CNTLN: variants seen among roughly 807,000 people sequenced by gnomAD.
CNTLN encodes the protein centlein, also known as centlein, centrosomal protein.
In CNTLN, 212 loss-of-function variants were observed where a neutral mutation model predicts 180.0. The observed-to-expected ratio is 1.18, with a 90% confidence interval of 1.05 to 1.32. CNTLN has a LOEUF of 1.32. Ranked by LOEUF, CNTLN falls within the 40% of genes most tolerant of loss-of-function variation. CNTLN has a pLI of 0.00. For synonymous variants in CNTLN, 722 were observed against 563.1 expected, an observed-to-expected ratio of 1.28 and a Z score of -3.99; for missense variants, 2,095 against 1,610.9, an observed-to-expected ratio of 1.30 and a Z score of -5.14.
intron 2 of CNTLN, among the ~76,000 whole-genome samples, chr9:17,155,702 A>G (rs1819230456): frequency 6.6e-6 from 1 of 151,968 alleles, no homozygotes; most frequent in Non-Finnish European, 1.5e-5. Flanking sequence ...TCTTGGGCTC[A>G]GTGGGGGTGG....
chr9:17,311,382 A>T (rs954342401), intron 8 of CNTLN, among the ~76,000 whole-genome samples: 1 of 150,948 alleles, frequency 6.6e-6, no homozygotes, highest in East Asian at 2.0e-4. Flanking sequence ...TTGGTATTTC[A>T]TTTAAGAAAT....
At chr9:17,516,645 C>G in the CNTLN span, among the ~76,000 whole-genome samples, 1 of 152,082 alleles carries the variant, frequency 6.6e-6, no homozygotes, top group African/African-American at 2.4e-5. Context: ...TAGGGTGGGA[C>G]ATCTGTCACA....
chr9:17,179,052 G>A (rs1293914823), intron 2 of CNTLN, among the ~76,000 whole-genome samples: 6 of 146,500 alleles, frequency 4.1e-5, no homozygotes, highest in South Asian at 2.1e-4. Context: ...AGACCATCCC[G>A]GCTAAAACGG....
At chr9:17,487,622 C>T (rs976914555) in intron 25 of CNTLN, among the ~76,000 whole-genome samples, 2 of 152,054 alleles carry the variant, frequency 1.3e-5, no homozygotes, top group African/African-American at 4.8e-5. Context: ...AAAAAATTTC[C>T]ACCAGAGGCC....
At chr9:17,523,924 C>G in the CNTLN span, among the ~76,000 whole-genome samples, 1 of 152,172 alleles carries the variant, frequency 6.6e-6, no homozygotes, top group Admixed American at 6.5e-5. Context: ...GTAGAAATTT[C>G]TTTGGTCAAA....
At chr9:17,462,623 A>C (rs1008261971) in intron 19 of CNTLN, among the ~76,000 whole-genome samples, 4 of 151,708 alleles carry the variant, frequency 2.6e-5, no homozygotes, top group African/African-American at 9.7e-5. Context: ...TCACATATTT[A>C]CATTATACCA....
chr9:17,245,824 G>A (rs1286399710), intron 5 of CNTLN, among the ~76,000 whole-genome samples: 1 of 151,738 alleles, frequency 6.6e-6, no homozygotes, highest in Non-Finnish European at 1.5e-5. Flanking sequence ...CTGCTTTTAA[G>A]AGACTGATGC....
intron 2 of CNTLN, among the ~76,000 whole-genome samples, chr9:17,178,226 C>G (rs1332176686): frequency 6.6e-6 from 1 of 152,190 alleles, no homozygotes; most frequent in Non-Finnish European, 1.5e-5. Context: ...ACACAGGGTG[C>G]TGATTGGTAT....
At chr9:17,201,700 A>G (rs1046092525) in intron 2 of CNTLN, among the ~76,000 whole-genome samples, 4 of 151,432 alleles carry the variant, frequency 2.6e-5, no homozygotes, top group Non-Finnish European at 5.9e-5. Flanking sequence ...ATAATTTTTT[A>G]TTGTCTATTT....
Position 17,298,263 on chromosome 9 carries a change from C to T in CNTLN, c.1057C>T (p.Gln353Ter), listed in dbSNP as rs1818090356. ...THTAQQAELI[Q>*]QLQVLNMDTQ... ...TACAGCCCAGCAAGCAGAGCTGATCCAGCAGCTTCAGGTTCTCAATATGGA... is the reference window on the plus strand; with the variant it reads ...TACAGCCCAGCAAGCAGAGCTGATCTAGCAGCTTCAGGTTCTCAATATGGA... Residue 353 changes from glutamine to a stop codon, truncating the protein, a stop_gained, in exon 7 of 26, where the codon CAG (glutamine) becomes TAG (stop). Transcript: ENST00000380647. LOFTEE classifies it high-confidence loss of function. 1.2e-6 allele frequency: 2 copies of T among 1,613,310 alleles called. No homozygotes were observed. Among genetic ancestry groups the T allele is most frequent in the East Asian group, 2.2e-5 (1 of 44,822 alleles).
chr9:17,526,686 GC>G, the CNTLN span, among the ~76,000 whole-genome samples: 1 of 152,136 alleles, frequency 6.6e-6, no homozygotes, highest in African/African-American at 2.4e-5. Context: ...AGCCCCAATA[GC>G]CAAGTCATAC....
At chr9:17,302,444 C>A (rs1818436843) in intron 7 of CNTLN, among the ~76,000 whole-genome samples, 1 of 152,152 alleles carries the variant, frequency 6.6e-6, no homozygotes, top group East Asian at 1.9e-4. Flanking sequence ...GGTGATCCAT[C>A]CGCTTCAGCC....
Position 17,330,734 on chromosome 9 carries a change from C to G in CNTLN, c.1444C>G (p.Leu482Val). 6.2e-7 allele frequency: 1 copy of G among 1,611,826 alleles called. No individual in the cohort carries two copies. The highest frequency in any genetic ancestry group is 1.3e-5 in the African/African-American group (1 of 74,882). Residue 482 changes from leucine (L) to valine (V), a missense_variant, in exon 9 of 26, where the codon CTG (leucine) becomes GTG (valine). Coordinates refer to ENST00000380647, the MANE Select transcript of CNTLN (RefSeq NM_017738.4). ...QEKLKIANEK[L>V]SENISANKGF... ...GAAACTAAAGATAGCAAATGAAAAA[C>G]TGTCAGAAAACATATCTGCCAACAA... is the stretch of plus-strand genomic sequence containing the variant.
At chr9:17,527,412 A>G in the CNTLN span, among the ~76,000 whole-genome samples, 2 of 152,224 alleles carry the variant, frequency 1.3e-5, no homozygotes, top group South Asian at 4.1e-4. Context: ...TTTATCCTTA[A>G]ATAGATAGAA....
rs200652348 is a variant in CNTLN, at chr9:17,484,439, C to T, written c.4000C>T (p.Arg1334Trp). The change falls in exon 24 of 26, where the codon CGG becomes TGG. Residue 1334 changes from arginine (R) to tryptophan (W), a missense_variant. Coordinates refer to ENST00000380647, the MANE Select transcript of CNTLN (RefSeq NM_017738.4). Reference sequence around the variant, plus strand: ...GGCAGCTTCTATCCTGAACATTTCACGGTCAGATTTAGAGGAAATATTAGA... The same window carrying T: ...GGCAGCTTCTATCCTGAACATTTCATGGTCAGATTTAGAGGAAATATTAGA... ...TLAASILNIS[R>W]SDLEEILDTE... The T allele has an allele frequency of 5.1e-5, 82 of 1,605,702 alleles. No individual in the cohort carries two copies. The highest frequency in any genetic ancestry group is 4.9e-4 in the Middle Eastern group (3 of 6,062).
Position 17,416,129 on chromosome 9 carries a change from G to A in CNTLN, c.3054G>A (p.Lys1018=). The A allele has an allele frequency of 1.2e-6, 2 of 1,613,518 alleles. No homozygotes were observed. Among genetic ancestry groups the A allele is most frequent in the Non-Finnish European group, 1.7e-6 (2 of 1,179,730 alleles). Reference sequence around the variant, plus strand: ...AAGAATATAAAGAAGTTAATGAAAAGCTCCTCCATCAACAGCAAGTATCCG... The same window carrying A: ...AAGAATATAAAGAAGTTAATGAAAAACTCCTCCATCAACAGCAAGTATCCG... ...SVKEYKEVNE[K]LLHQQQVSDQ... is the part of the protein sequence containing the mutation. Residue 1018 remains lysine (K), a synonymous_variant, in exon 18 of 26, where the codon AAG becomes AAA. Coordinates refer to ENST00000380647, the MANE Select transcript of CNTLN (RefSeq NM_017738.4).
At chr9:17,325,124 T>A (rs4405013) in intron 8 of CNTLN, among the ~76,000 whole-genome samples, 1 of 149,868 alleles carries the variant, frequency 6.7e-6, no homozygotes, top group East Asian at 2.0e-4. Context: ...ATTTGTGAAT[T>A]TTTATTATAA....
intron 23 of CNTLN, among the ~76,000 whole-genome samples, chr9:17,470,028 A>G (rs1185771225): frequency 6.6e-6 from 1 of 151,954 alleles, no homozygotes; most frequent in East Asian, 1.9e-4. Flanking sequence ...TAATAGCAGT[A>G]GTAGTATGGC....
At chr9:17,295,163 C>G (rs577192812) in intron 6 of CNTLN, among the ~76,000 whole-genome samples, 5 of 152,098 alleles carry the variant, frequency 3.3e-5, no homozygotes, top group African/African-American at 4.8e-5. Flanking sequence ...GGAACTCTAG[C>G]TGGCCCGCAG....
Sources: allele counts gnomAD v4.1 joint callset (sites outside exome capture counted in the v4.1 genomes callset), GRCh38; gene constraint gnomAD v4.1.1; transcripts MANE v1.5; gene names NCBI Gene and HGNC (gene_info 2026-07-23, HGNC 2026-07-21).